The following SPTY2D1 variants were observed in gnomAD, a reference collection of about 807,000 sequenced individuals.
SPTY2D1 encodes SPT2 chromatin protein domain containing 1.
A neutral mutation model predicts 64.0 loss-of-function variants in SPTY2D1; 21 were observed. The ratio of observed to expected loss-of-function variants is 0.33; its 90% confidence interval spans 0.23 to 0.47. SPTY2D1 has a LOEUF of 0.47. Among genes scored for constraint, SPTY2D1 ranks in the 20% least tolerant of loss-of-function variants. The pLI is 1.00. For synonymous variants in SPTY2D1, 287 were observed against 286.8 expected (o/e 1.00, Z -0.01); for missense variants, 724 against 837.2 (o/e 0.86, Z 1.67).
intron 2 of SPTY2D1, 33 bp from the exon 3 acceptor site, chr11:18,616,131 T>C (rs1426400970): frequency 9.7e-6 from 15 of 1,539,264 alleles, no homozygotes; most frequent in Non-Finnish European, 1.3e-5. Context: ...ATGTTATTAC[T>C]TCGAGATCTC....
At chr11:18,624,412 A>T (rs190677322) in intron 1 of SPTY2D1, among the ~76,000 whole-genome samples, 1 of 152,284 alleles carries the variant, frequency 6.6e-6, no homozygotes, top group African/African-American at 2.4e-5. Context: ...GCTGGACAAG[A>T]GTTTCTTTTA....
Position 18,612,131 on chromosome 11 carries a change from AT to A in SPTY2D1, c.1886+182del. On this transcript the variant is annotated intron_variant, in intron 4 of 5. Transcript: ENST00000336349. This position sits in a 1 kb window ranked among gnomAD's most constrained non-coding sequence, Gnocchi z 4.6. ...CCTCATGCAAATAACTACAGAAACT[AT>A]TTTGAATTAAATATAAAATATTTAG... 2.3e-6 allele frequency: 1 copy of A among 429,768 alleles called. No individual in the cohort carries two copies. The highest frequency in any genetic ancestry group is 4.0e-6 in the Non-Finnish European group (1 of 249,378). 26.6% of individuals were successfully genotyped at this position (429,768 alleles called of 1,614,324 possible). A position where few individuals can be genotyped will look rare whatever the true frequency, so the allele number is the denominator to read the frequency against.
intron 1 of SPTY2D1, among the ~76,000 whole-genome samples, chr11:18,621,519 T>A (rs371286270): frequency 2.6e-4 from 40 of 152,150 alleles, no homozygotes; most frequent in Non-Finnish European, 5.0e-4. Flanking sequence ...CATCAATTTA[T>A]ATGTCAACTT....
intron 1 of SPTY2D1, among the ~76,000 whole-genome samples, chr11:18,632,165 AAAG>A (rs928796510): frequency 7.9e-5 from 12 of 151,092 alleles, no homozygotes; most frequent in Admixed American, 2.0e-4. Context: ...AAAAAAAAAA[AAAG>A]AAGAAGAAGA....
Position 18,612,638 on chromosome 11 carries a change from T to A in SPTY2D1, c.1712-150A>T, listed in dbSNP as rs1854225334. The A allele has an allele frequency of 1.9e-6, 1 of 536,184 alleles. No homozygotes were observed. 33.2% of individuals were successfully genotyped at this position (536,184 alleles called of 1,614,324 possible). A position where few individuals can be genotyped will look rare whatever the true frequency, so the allele number is the denominator to read the frequency against. On this transcript the variant is annotated intron_variant, in intron 3 of 5. Coordinates refer to ENST00000336349, the MANE Select transcript of SPTY2D1 (RefSeq NM_194285.3). This position sits in a 1 kb window ranked among gnomAD's most constrained non-coding sequence, Gnocchi z 4.6. ...CTTAGCGCAGAGCCATCATCCTTGCTGTGTCATGGTATCCAGAAGGAACAG... is the reference window on the plus strand; with the variant it reads ...CTTAGCGCAGAGCCATCATCCTTGCAGTGTCATGGTATCCAGAAGGAACAG...
chr11:18,614,479 T>G, intron 3 of SPTY2D1, 84 bp downstream of exon 3: 3 of 1,348,896 alleles, frequency 2.2e-6, no homozygotes, highest in Non-Finnish European at 3.1e-6. Context: ...ACATGAGGGG[T>G]TCAAAGGGTC....
At chr11:18,625,649 C>G (rs189183054) in intron 1 of SPTY2D1, among the ~76,000 whole-genome samples, 1 of 152,012 alleles carries the variant, frequency 6.6e-6, no homozygotes, top group African/African-American at 2.4e-5. Context: ...TGGCCTCAAA[C>G]TCCTGGGCTC....
intron 1 of SPTY2D1, among the ~76,000 whole-genome samples, chr11:18,625,554 AT>A (rs34740083): frequency 0.081 from 11,595 of 143,940 alleles, 595 homozygotes; most frequent in East Asian, 0.23. Flanking sequence ...AACACATCTC[AT>A]TTTTTTTTTT....
chr11:18,614,421 G>A, intron 3 of SPTY2D1, 142 bp downstream of exon 3: 1 of 861,734 alleles, frequency 1.2e-6, no homozygotes, highest in Admixed American at 2.7e-5. Flanking sequence ...CCACAAGGCA[G>A]ATAAAACATC....
chr11:18,614,532 A>C, intron 3 of SPTY2D1, 31 bp downstream of exon 3: 2 of 1,571,994 alleles, frequency 1.3e-6, no homozygotes, highest in Non-Finnish European at 1.7e-6. Flanking sequence ...AATGACAAAT[A>C]TATACTCTTT....
At chr11:18,628,469 A>T (rs1854534026) in intron 1 of SPTY2D1, among the ~76,000 whole-genome samples, 1 of 152,104 alleles carries the variant, frequency 6.6e-6, no homozygotes, top group Non-Finnish European at 1.5e-5. Flanking sequence ...CCTATCCCAT[A>T]GGGGTAGCCC....
At chr11:18,624,994 G>A (rs1408688146) in intron 1 of SPTY2D1, among the ~76,000 whole-genome samples, 5 of 151,908 alleles carry the variant, frequency 3.3e-5, no homozygotes, top group African/African-American at 4.8e-5. Context: ...GCGAGACTCC[G>A]TCTCAAGAAA....
chr11:18,628,905 T>G (rs542462648), intron 1 of SPTY2D1, among the ~76,000 whole-genome samples: 1 of 152,216 alleles, frequency 6.6e-6, no homozygotes, highest in Admixed American at 6.5e-5. Context: ...CCTATCATTT[T>G]TTATGCAGAC....
chr11:18,614,977 A>C lies in SPTY2D1; in HGVS notation c.1297T>G (p.Cys433Gly), dbSNP rs1445416884. The C allele has an allele frequency of 6.2e-7, 1 of 1,614,140 alleles. No homozygotes were observed. Among genetic ancestry groups the C allele is most frequent in the Non-Finnish European group, 8.5e-7 (1 of 1,180,028 alleles). ...CTGCTTGCAGGTTGTCCAGGGCCAC[A>C]TGTACCACTGACTGTCCGCCTAGAG... Reference protein sequence around the residue: ...NPSRRTVSGTCGPGQPASSSG... With the variant: ...NPSRRTVSGTGGPGQPASSSG... The change falls in exon 3 of 6, where the codon TGT becomes GGT. Residue 433 changes from cysteine to glycine, a missense_variant. Physicochemically the swap from Cys to Gly is radical, Grantham distance 159 (BLOSUM62 -3). Transcript: ENST00000336349.
Position 18,615,617 on chromosome 11 carries a change from T to G in SPTY2D1, c.657A>C (p.Thr219=). ...ACACAGTTGGAGGTAGTTTTCCATC[T>G]GTCTCAAGTTTTTTTCTCCTATGCT... ...ERKHRRKKLE[T]DGKLPPTVSK... is the part of the protein sequence containing the mutation. Residue 219 remains threonine, a synonymous_variant, in exon 3 of 6, where the codon ACA becomes ACC. Transcript: ENST00000336349. 1 of 1,614,260 alleles carries G rather than the reference T, an allele frequency of 6.2e-7. No individual in the cohort carries two copies. Among genetic ancestry groups the G allele is most frequent in the South Asian group, 1.1e-5 (1 of 91,088 alleles).
chr11:18,624,296 C>A (rs11024739), intron 1 of SPTY2D1, among the ~76,000 whole-genome samples: 85,000 of 151,968 alleles, frequency 0.56, 27,733 homozygotes, highest in Middle Eastern at 0.75. Context: ...CCTCGCATCA[C>A]ATGGTCATAT....
chr11:18,615,277 G>A lies in SPTY2D1; in HGVS notation c.997C>T (p.Gln333Ter). The change falls in exon 3 of 6, where the codon CAG becomes TAG. Residue 333 changes from glutamine to a stop codon, truncating the protein, a stop_gained. Coordinates refer to ENST00000336349, the MANE Select transcript of SPTY2D1 (RefSeq NM_194285.3). LOFTEE classifies it high-confidence loss of function. ...GCTTTGTGCTCAACAGCAGATTTCT[G>A]AGTCCTGCTAGCAGAAGTCTTTGGG... ...SVPKTSASRT[Q>*]KSAVEHKAKK... 6.2e-7 allele frequency: 1 copy of A among 1,614,218 alleles called. No homozygotes were observed. The highest frequency in any genetic ancestry group is 8.5e-7 in the Non-Finnish European group (1 of 1,180,034).
intron 1 of SPTY2D1, among the ~76,000 whole-genome samples, chr11:18,622,086 C>CAAAAAAAAAAAA (rs747593791): frequency 0.14 from 1,616 of 11,596 alleles, 275 homozygotes; most frequent in African/African-American, 0.25. Context: ...GACCCTATCT[C>CAAAAAAAAAAAA]AAAAAAAAAA....
rs1459073161 is a variant in SPTY2D1, at chr11:18,612,606, G to A, written c.1712-118C>T. ...TATCCTTTAAAACCAGAGCAAGCAG[G>A]CTGGCCCTTAGCGCAGAGCCATCAT... On this transcript the variant is annotated intron_variant, in intron 3 of 5. Coordinates refer to ENST00000336349, the MANE Select transcript of SPTY2D1 (RefSeq NM_194285.3). This position sits in a 1 kb window ranked among gnomAD's most constrained non-coding sequence, Gnocchi z 4.6. The A allele has an allele frequency of 6.6e-6, 6 of 907,518 alleles. No individual in the cohort carries two copies. The highest frequency in any genetic ancestry group is 9.3e-6 in the Non-Finnish European group (6 of 642,514). The allele number at this position is 907,518 out of a possible 1,614,324, so 56.2% of individuals were successfully genotyped here. A position where few individuals can be genotyped will look rare whatever the true frequency, so the allele number is the denominator to read the frequency against.
Sources: allele counts gnomAD v4.1 joint callset (sites outside exome capture counted in the v4.1 genomes callset), GRCh38; gene constraint gnomAD v4.1.1; non-coding constraint Gnocchi (gnomAD v3.1); transcripts MANE v1.5; gene names NCBI Gene and HGNC (gene_info 2026-07-23, HGNC 2026-07-21).